Variants in LRGUK observed in about 807,000 individuals in gnomAD.
LRGUK encodes the protein leucine rich repeats and guanylate kinase domain containing.
LRGUK carries 65 observed loss-of-function variants against 76.0 expected under a neutral mutation model. The observed-to-expected ratio is 0.85, with a 90% CI of 0.70 to 1.05. The LOEUF is 1.05. Among genes scored for constraint, LRGUK ranks in the 50% least tolerant of loss-of-function variants. The pLI is 0.00. For synonymous variants in LRGUK, 268 were observed against 265.6 expected (o/e 1.01, Z -0.09); for missense variants, 758 against 732.8 (o/e 1.03, Z -0.40).
intron 5 of LRGUK, among the ~76,000 whole-genome samples, chr7:134,150,276 C>CAAACAACAAA (rs1798157373): frequency 3.2e-5 from 2 of 61,992 alleles, no homozygotes; most frequent in Non-Finnish European, 5.9e-5. Flanking sequence ...GACTCTGTCT[C>CAAACAACAAA]AAAAAACAAA....
chr7:134,166,014 C>T (rs1414284406), intron 7 of LRGUK, among the ~76,000 whole-genome samples: 1 of 152,112 alleles, frequency 6.6e-6, no homozygotes, highest in East Asian at 1.9e-4. Flanking sequence ...ACCTAATTCC[C>T]CGACTCCCCC....
intron 7 of LRGUK, among the ~76,000 whole-genome samples, chr7:134,174,168 G>A (rs1348204504): frequency 6.6e-6 from 1 of 152,004 alleles, no homozygotes; most frequent in Non-Finnish European, 1.5e-5. Flanking sequence ...AGCAGGATTG[G>A]GGAAGGAAGT....
intron 1 of LRGUK, 87 bp from the exon 2 acceptor site, chr7:134,136,936 A>G (rs1232123328): frequency 1.7e-6 from 2 of 1,144,144 alleles, no homozygotes; most frequent in African/African-American, 3.1e-5. Context: ...TATAAAATAT[A>G]CTAAATAAGT....
At chr7:134,178,151 T>G (rs1195597087) in intron 9 of LRGUK, among the ~76,000 whole-genome samples, 1 of 152,208 alleles carries the variant, frequency 6.6e-6, no homozygotes. Flanking sequence ...AAAGTTGGAA[T>G]GTTTACTATA....
chr7:134,198,801 G>T (rs1233737979), intron 13 of LRGUK, among the ~76,000 whole-genome samples: 6 of 152,178 alleles, frequency 3.9e-5, no homozygotes, highest in Non-Finnish European at 8.8e-5. Flanking sequence ...GATGACAAAG[G>T]GGTCACAGAA....
At chr7:134,214,468 G>T (rs1801380324), downstream of LRGUK, among the ~76,000 whole-genome samples, 2 of 152,074 alleles carry the variant, frequency 1.3e-5, no homozygotes, top group Admixed American at 6.5e-5. Context: ...TGTTTTTTAT[G>T]ATAAAATCTA....
downstream of LRGUK, among the ~76,000 whole-genome samples, chr7:134,215,132 C>T (rs1225083159): frequency 6.6e-6 from 1 of 151,752 alleles, no homozygotes; most frequent in Non-Finnish European, 1.5e-5. Flanking sequence ...AGATATGTGG[C>T]TTTCAAAGTT....
At chr7:134,214,499 T>C (rs1333436600), downstream of LRGUK, among the ~76,000 whole-genome samples, 3 of 152,172 alleles carry the variant, frequency 2.0e-5, no homozygotes, top group Non-Finnish European at 2.9e-5. Flanking sequence ...AGCTATCTAA[T>C]GGGATTTTAG....
intron 11 of LRGUK, among the ~76,000 whole-genome samples, chr7:134,185,573 T>C (rs770235042): frequency 8.6e-5 from 13 of 151,360 alleles, no homozygotes; most frequent in African/African-American, 2.2e-4. Context: ...GTGAATCAAA[T>C]TTAGAATTGT....
chr7:134,240,251 C>T (rs1160642795), intron 16 of LRGUK, among the ~76,000 whole-genome samples: 7 of 152,218 alleles, frequency 4.6e-5, no homozygotes, highest in African/African-American at 1.7e-4. Context: ...TAACAAACTT[C>T]TCCAAGCTAA....
chr7:134,177,113 T>C (rs931016154), intron 9 of LRGUK, 50 bp downstream of exon 9: 1 of 1,159,818 alleles, frequency 8.6e-7, no homozygotes, highest in South Asian at 1.4e-5. Context: ...GTTAATATGC[T>C]CAAAAGCTCG....
At chr7:134,268,466 A>G (rs926176919), downstream of LRGUK, among the ~76,000 whole-genome samples, 1 of 152,124 alleles carries the variant, frequency 6.6e-6, no homozygotes, top group African/African-American at 2.4e-5. Flanking sequence ...TTAAGGAAAT[A>G]GAAGAATTAG....
intron 16 of LRGUK, among the ~76,000 whole-genome samples, chr7:134,236,614 G>A (rs1036333493): frequency 6.6e-6 from 1 of 152,126 alleles, no homozygotes; most frequent in Non-Finnish European, 1.5e-5. Context: ...GTAAGTAGTG[G>A]TATTTATTTT....
At chr7:134,163,909 G>A (rs1798864488) in intron 7 of LRGUK, among the ~76,000 whole-genome samples, 1 of 152,180 alleles carries the variant, frequency 6.6e-6, no homozygotes, top group African/African-American at 2.4e-5. Context: ...ATTGGCTGGT[G>A]TTGCTCCATA....
At chr7:134,183,799 A>G in exon 11 of LRGUK, 2 of 1,614,158 alleles carry the variant, frequency 1.2e-6, no homozygotes, top group Non-Finnish European at 1.7e-6. Flanking sequence ...GCTTGTGGGA[A>G]ACGAGAGCTT....
intron 5 of LRGUK, among the ~76,000 whole-genome samples, chr7:134,155,114 C>A (rs142106655): frequency 8.3e-4 from 126 of 152,316 alleles, no homozygotes; most frequent in South Asian, 1.9e-3. Flanking sequence ...AACATGATTT[C>A]TGTCTCTGCT....
At chr7:134,238,483 A>G (rs1002932480) in intron 16 of LRGUK, among the ~76,000 whole-genome samples, 3 of 151,410 alleles carry the variant, frequency 2.0e-5, no homozygotes, top group Admixed American at 1.3e-4. Context: ...TTTTTCTTAA[A>G]CCATTGTTTG....
chr7:134,212,897 G>GA (rs1278978134), downstream of LRGUK, among the ~76,000 whole-genome samples: 1 of 152,160 alleles, frequency 6.6e-6, no homozygotes, highest in Admixed American at 6.5e-5. Flanking sequence ...CTACAGACAG[G>GA]AAAATCCATT....
intron 5 of LRGUK, among the ~76,000 whole-genome samples, chr7:134,150,803 A>G (rs1162887137): frequency 6.6e-6 from 1 of 152,206 alleles, no homozygotes; most frequent in East Asian, 1.9e-4. Flanking sequence ...TAAATGTCAG[A>G]TATAATGAAA....
Sources: gnomAD v4.1 joint callset for allele counts (sites outside exome capture counted in the v4.1 genomes callset) on GRCh38, gnomAD v4.1.1 for gene constraint, MANE v1.5 for transcripts, NCBI Gene and HGNC (gene_info 2026-07-23, HGNC 2026-07-21) for gene names.